RASAL1: variants seen among roughly 807,000 people sequenced by gnomAD.
RASAL1 encodes rasGAP-activating-like protein 1.
Under a neutral mutation model 96.6 loss-of-function variants are expected in RASAL1, and 72 were observed. That is an observed-to-expected ratio of 0.75 (90% CI 0.62 to 0.91). The LOEUF (loss-of-function observed/expected upper bound fraction) is 0.91, where lower values mean the gene tolerates loss of function less well. Among genes scored for constraint, RASAL1 ranks in the 40% least tolerant of loss-of-function variants. The pLI is 0.00. For synonymous variants in RASAL1, 405 were observed against 430.4 expected (o/e 0.94, Z 0.73); for missense variants, 1,016 against 1,072.5 (o/e 0.95, Z 0.74).
intron 14 of RASAL1, 185 bp from the exon 15 acceptor site, chr12:113,107,426 G>C (rs736284): frequency 0.9 from 630,459 of 700,148 alleles, 284,833 homozygotes; most frequent in Admixed American, 0.93. Context: ...AGCTTGTGAC[G>C]AGCCTGGCCA....
At position 113,107,227 on chromosome 12, in the gene RASAL1, A is replaced by G. The variant is rs2136124720; in HGVS notation, c.1527T>C (p.Ile509=). 3 of 1,609,588 alleles carry G rather than the reference A, an allele frequency of 1.9e-6. No individual in the cohort carries two copies. In the South Asian group the frequency reaches 3.3e-5, roughly 18 times the overall value. ...LLLLAKAVQS[I]GNLGQQLGQG... The stretch of plus-strand genomic sequence containing the variant: ...GGCCCAGCTGCTGGCCCAGGTTTCC[A>G]ATGCTCTGCACAGCCTGGAGCAAAG... The change falls in exon 15 of 21, where the codon ATT becomes ATC. Residue 509 remains isoleucine (I), a synonymous_variant. Coordinates refer to ENST00000548055, the MANE Select transcript of RASAL1 (RefSeq NM_001301202.2).
At position 113,119,397 on chromosome 12, in the gene RASAL1, G is replaced by A. The variant is rs760341144; in HGVS notation, c.475C>T (p.Arg159Cys). 17 of 1,611,298 alleles carry A rather than the reference G, an allele frequency of 1.1e-5. No homozygotes were observed. In the Admixed American group the frequency reaches 1.8e-4, roughly 17 times the overall value. ...DISGTSDPFA[R>C]VFWGSQSLET... ...AAGCTCTGGCTGCCCCAAAACACAC[G>A]TGCAAATGGGTCAGATGTGCCAGAG... The change falls in exon 6 of 21, where the codon CGT becomes TGT. Residue 159 changes from arginine (R) to cysteine (C), a missense_variant. Physicochemically the swap from Arg to Cys is radical, Grantham distance 180. Coordinates refer to ENST00000548055, the MANE Select transcript of RASAL1 (RefSeq NM_001301202.2).
At chr12:113,114,594 T>TA (rs1290768494) in intron 12 of RASAL1, among the ~76,000 whole-genome samples, 2 of 152,190 alleles carry the variant, frequency 1.3e-5, no homozygotes, top group African/African-American at 2.4e-5. Flanking sequence ...CCAGGGCGCT[T>TA]AGCATCAGAG....
In RASAL1 at chr12:113,112,132, T is replaced by C; in HGVS notation, c.1328A>G (p.Gln443Arg). 1 of 1,250,106 alleles carries C rather than the reference T, an allele frequency of 8.0e-7. No homozygotes were observed. Among genetic ancestry groups the C allele is most frequent in the Non-Finnish European group, 1.0e-6 (1 of 990,936 alleles). 77.4% of individuals were successfully genotyped at this position (1,250,106 alleles called of 1,614,324 possible). A position where few individuals can be genotyped will look rare whatever the true frequency, so the allele number is the denominator to read the frequency against. The change falls in exon 13 of 21, where the codon CAG becomes CGG. Residue 443 changes from glutamine to arginine, a missense_variant. Coordinates refer to ENST00000548055, the MANE Select transcript of RASAL1 (RefSeq NM_001301202.2). ...CPPAMRLAFK[Q>R]LHRRVEERFP... Reference sequence around the variant, plus strand: ...GCGCTCCTCCACTCGCCGGTGCAGCTGCTTGAAGGCGAGGCGCATGGCGGG... The same window carrying C: ...GCGCTCCTCCACTCGCCGGTGCAGCCGCTTGAAGGCGAGGCGCATGGCGGG...
chr12:113,122,230 C>G (rs907626808), intron 4 of RASAL1, among the ~76,000 whole-genome samples: 1 of 152,192 alleles, frequency 6.6e-6, no homozygotes, highest in Non-Finnish European at 1.5e-5. Context: ...TCACACACTT[C>G]CCCCTGGTAT....
In RASAL1 at chr12:113,115,814, G is replaced by A; in HGVS notation, c.850-26C>T. On this transcript the variant is annotated intron_variant, in intron 9 of 20. Coordinates refer to ENST00000548055, the MANE Select transcript of RASAL1 (RefSeq NM_001301202.2). The surrounding 1 kb of genome is among the most constrained non-coding windows in gnomAD (Gnocchi z 4.1). ...CTGGGTGGGGGCGGGAGACAAAGAT[G>A]ACCTCGGCCCCTGGGACCCCAAAGC... 2 of 1,613,076 alleles carry A rather than the reference G, an allele frequency of 1.2e-6. No homozygotes were observed. Among genetic ancestry groups the A allele is most frequent in the Non-Finnish European group, 1.7e-6 (2 of 1,179,428 alleles).
chr12:113,101,318 A>G (rs930011612), intron 19 of RASAL1, among the ~76,000 whole-genome samples: 9 of 152,338 alleles, frequency 5.9e-5, no homozygotes, highest in Admixed American at 5.9e-4. Context: ...TGGGAGGCTG[A>G]AGCAAGAGAA....
At position 113,099,623 on chromosome 12, in the gene RASAL1, G is replaced by C. The variant is rs558557140; in HGVS notation, c.*306C>G. 3.4e-5 allele frequency: 9 copies of C among 266,768 alleles called. No homozygotes were observed. In the South Asian group the frequency reaches 1.3e-3, roughly 38 times the overall value. 16.5% of individuals were successfully genotyped at this position (266,768 alleles called of 1,614,324 possible). ...GGGCCAGGCTGGCCTCCTTGGTATG[G>C]ATAGAGGCCAGTTTGGTGAAGTAGA... is the stretch of plus-strand genomic sequence containing the variant. On this transcript the variant is annotated 3_prime_UTR_variant, in exon 21 of 21. Transcript: ENST00000548055.
intron 7 of RASAL1, among the ~76,000 whole-genome samples, chr12:113,117,944 G>A (rs530388397): frequency 9.9e-5 from 15 of 152,262 alleles, no homozygotes; most frequent in East Asian, 1.9e-4. Flanking sequence ...AAGAATGAAG[G>A]CTGGGTGGGT....
Position 113,130,822 on chromosome 12 carries a change from G to A in RASAL1, c.122+63C>T. The A allele has an allele frequency of 7.2e-7, 1 of 1,389,096 alleles. No homozygotes were observed. The highest frequency in any genetic ancestry group is 1.0e-6 in the Non-Finnish European group (1 of 994,082). 86.0% of individuals were successfully genotyped at this position (1,389,096 alleles called of 1,614,324 possible). ...CTTTAAATGTGAATTCTTGGTCCCA[G>A]ATTCCCCAGGTCTAGAAAGAGACCC... On this transcript the variant is annotated intron_variant, in intron 2 of 20. Coordinates refer to ENST00000548055, the MANE Select transcript of RASAL1 (RefSeq NM_001301202.2). The surrounding 1 kb of genome is among the most constrained non-coding windows in gnomAD (Gnocchi z 5.1).
rs778093110 is a variant in RASAL1, at chr12:113,108,077, G to A, written c.1512+8C>T. 1 of 1,607,494 alleles carries A rather than the reference G, an allele frequency of 6.2e-7. No homozygotes were observed. The highest frequency in any genetic ancestry group is 8.5e-7 in the Non-Finnish European group (1 of 1,177,186). On this transcript the variant is annotated splice_region_variant and intron_variant, in intron 14 of 20. Coordinates refer to ENST00000548055, the MANE Select transcript of RASAL1 (RefSeq NM_001301202.2). ...GTACCTAGGATGGGGGAAACCCATG[G>A]CTGGCACCTTGGCAAGCAACAGCAG...
chr12:113,125,925 C>T (rs757653010), intron 4 of RASAL1, among the ~76,000 whole-genome samples: 27 of 152,146 alleles, frequency 1.8e-4, no homozygotes, highest in Non-Finnish European at 3.5e-4. Flanking sequence ...CCATCCCAAA[C>T]GAAGAATGCG....
chr12:113,102,697 G>A lies in RASAL1; in HGVS notation c.2105-688C>T, dbSNP rs553383222. 7.2e-4 allele frequency among the ~76,000 whole-genome samples: 110 copies of A among 152,222 alleles called. 2 individuals are homozygous for A. Among genetic ancestry groups the A allele is most frequent in the African/African-American group, 2.6e-3 (106 of 41,532 alleles). On this transcript the variant is annotated intron_variant, in intron 18 of 20. Transcript: ENST00000548055. Reference sequence around the variant, plus strand: ...TGATTGCACCACTGCACTCCAGCCTGGGCAACAGAGACTCTGTCTCAAAAA... The same window carrying A: ...TGATTGCACCACTGCACTCCAGCCTAGGCAACAGAGACTCTGTCTCAAAAA...
rs761296858 is a variant in RASAL1 at position 113,115,831 on chromosome 12, C to A, written c.850-43G>T. 1 of 1,610,974 alleles carries A rather than the reference C, an allele frequency of 6.2e-7. No individual in the cohort carries two copies. The highest frequency in any genetic ancestry group is 1.1e-5 in the South Asian group (1 of 90,714). ...ACAAAGATGACCTCGGCCCCTGGGA[C>A]CCCAAAGCAGATGGGCCTAGATAGG... is the stretch of plus-strand genomic sequence containing the variant. On this transcript the variant is annotated intron_variant, in intron 9 of 20. Transcript: ENST00000548055. This position sits in a 1 kb window ranked among gnomAD's most constrained non-coding sequence, Gnocchi z 4.1.
Position 113,105,868 on chromosome 12 carries a change from C to T in RASAL1, c.1676G>A (p.Arg559Lys). ...DGDEEAGVPA[R>K]ALFPPSAIVR... is the part of the protein sequence containing the mutation. ...AATGGCCGAGGGCGGGAACAGGGCCCTGGCTGGGACACCAGCTTCTAGGAG... is the reference window on the plus strand; with the variant it reads ...AATGGCCGAGGGCGGGAACAGGGCCTTGGCTGGGACACCAGCTTCTAGGAG... The change falls in exon 16 of 21, where the codon AGG (arginine) becomes AAG (lysine). Residue 559 changes from arginine to lysine, a missense_variant. Transcript: ENST00000548055. The T allele has an allele frequency of 6.2e-7, 1 of 1,613,490 alleles. No homozygotes were observed. The highest frequency in any genetic ancestry group is 1.1e-5 in the South Asian group (1 of 91,016).
intron 8 of RASAL1, among the ~76,000 whole-genome samples, chr12:113,116,346 C>A (rs769119017): frequency 6.6e-6 from 1 of 151,034 alleles, no homozygotes; most frequent in African/African-American, 2.4e-5. Context: ...CGTGACAGAG[C>A]GATACTCTGT....
chr12:113,099,882 G>A lies in RASAL1; in HGVS notation c.*47C>T, dbSNP rs370026733. The A allele has an allele frequency of 1.3e-4, 208 of 1,576,862 alleles. No homozygotes were observed. The highest frequency in any genetic ancestry group is 2.3e-4 in the Middle Eastern group (1 of 4,286). On this transcript the variant is annotated 3_prime_UTR_variant, in exon 21 of 21. Coordinates refer to ENST00000548055, the MANE Select transcript of RASAL1 (RefSeq NM_001301202.2). ...TCCCGGGGCAGGATGCGCTGAAGAG[G>A]GCCCCCTGGCTCTTGCTCCTCCTTC...
At chr12:113,126,554 C>T (rs1270559846) in intron 4 of RASAL1, among the ~76,000 whole-genome samples, 2 of 152,012 alleles carry the variant, frequency 1.3e-5, no homozygotes, top group Admixed American at 6.6e-5. Context: ...TGGTGGTGCA[C>T]GCCTGTAGTC....
chr12:113,120,477 G>A (rs1484165828), intron 5 of RASAL1, among the ~76,000 whole-genome samples: 1 of 152,160 alleles, frequency 6.6e-6, no homozygotes, highest in Non-Finnish European at 1.5e-5. Context: ...GAGGCTCAGA[G>A]AGGGCAAGGA....
Sources: gnomAD v4.1 joint callset for allele counts (sites outside exome capture counted in the v4.1 genomes callset) on GRCh38, gnomAD v4.1.1 for gene constraint, Gnocchi (gnomAD v3.1) non-coding constraint, MANE v1.5 for transcripts, NCBI Gene and HGNC (gene_info 2026-07-23, HGNC 2026-07-21) for gene names.